TEX14: variants seen among roughly 807,000 people sequenced by gnomAD.
TEX14 encodes the protein testis expressed 14, intercellular bridge forming factor.
TEX14 carries 168 observed loss-of-function variants against 178.6 expected under a neutral mutation model. The ratio of observed to expected loss-of-function variants is 0.94; its 90% CI spans 0.83 to 1.07. The LOEUF (loss-of-function observed/expected upper bound fraction) is 1.07, where lower values mean the gene tolerates loss of function less well. TEX14 is among the 50% of genes least tolerant of loss of function. TEX14 has a pLI of 0.00. For synonymous variants in TEX14, 626 were observed against 634.1 expected, an observed-to-expected ratio of 0.99 and a Z score of 0.19; for missense variants, 1,730 against 1,753.6, an observed-to-expected ratio of 0.99 and a Z score of 0.24.
intron 22 of TEX14, among the ~76,000 whole-genome samples, chr17:58,573,956 CTT>C (rs2044605610): frequency 6.6e-6 from 1 of 152,026 alleles, no homozygotes; most frequent in Non-Finnish European, 1.5e-5. Flanking sequence ...TAAGCGTAAA[CTT>C]ATTATTATTA....
intron 2 of TEX14, among the ~76,000 whole-genome samples, chr17:58,638,025 C>A (rs934344042): frequency 6.6e-6 from 1 of 152,046 alleles, no homozygotes. Flanking sequence ...CCACACCCGG[C>A]TAATTTTTGT....
At chr17:58,585,623 T>G (rs1042935303) in intron 18 of TEX14, among the ~76,000 whole-genome samples, 178 bp downstream of exon 18, 11 of 145,100 alleles carry the variant, frequency 7.6e-5, no homozygotes, top group African/African-American at 2.0e-4. Context: ...TTTTTTTTTT[T>G]TTTTTTTTTT....
chr17:58,580,271 T>C (rs1396092410), intron 19 of TEX14, among the ~76,000 whole-genome samples: 1 of 152,068 alleles, frequency 6.6e-6, no homozygotes, highest in Non-Finnish European at 1.5e-5. Flanking sequence ...CCTCCTAAAG[T>C]GTTGTGATTA....
rs182478 is a variant in TEX14, at chr17:58,688,808, G to A, written c.-2+3131C>T. Among the ~76,000 whole-genome samples, 640 of 150,274 alleles carry A rather than the reference G, an allele frequency of 4.3e-3. 3 individuals carry two copies. The highest frequency in any genetic ancestry group is 0.014 in the African/African-American group (587 of 41,272). On this transcript the variant is annotated intron_variant, in intron 1 of 31. Transcript: ENST00000349033. The stretch of plus-strand genomic sequence containing the variant: ...GCAAGAAAAACCAAAACATATTCCC[G>A]GGGGGGGTTTGGGAGATTACTGAAG...
chr17:58,687,909 C>T (rs750289448), intron 1 of TEX14, among the ~76,000 whole-genome samples: 1 of 152,098 alleles, frequency 6.6e-6, no homozygotes, highest in Non-Finnish European at 1.5e-5. Context: ...AGATTATAAG[C>T]TCCATGAGGG....
chr17:58,659,338 G>A (rs916614190), intron 1 of TEX14: 3 of 983,176 alleles, frequency 3.1e-6, no homozygotes, highest in African/African-American at 3.5e-5. Flanking sequence ...CCTTACCATC[G>A]TCCTCAACAC....
At chr17:58,691,687 C>CAAAAA (rs2047730170) in intron 1 of TEX14, among the ~76,000 whole-genome samples, 1 of 115,166 alleles carries the variant, frequency 8.7e-6, no homozygotes. Flanking sequence ...AAAAAAAAAT[C>CAAAAA]GCCAATAGGT....
At chr17:58,637,019 C>A (rs1392511044) in intron 2 of TEX14, among the ~76,000 whole-genome samples, 6 of 152,078 alleles carry the variant, frequency 3.9e-5, no homozygotes, top group Non-Finnish European at 7.4e-5. Flanking sequence ...TTGAGGTCAG[C>A]AGTTCAAGAC....
intron 14 of TEX14, among the ~76,000 whole-genome samples, chr17:58,594,377 G>A (rs956887512): frequency 1.3e-5 from 2 of 149,106 alleles, no homozygotes; most frequent in Non-Finnish European, 3.0e-5. Context: ...TTTTGAGATG[G>A]CCTCACTCTG....
chr17:58,632,992 G>A (rs2046356552), intron 2 of TEX14, among the ~76,000 whole-genome samples: 3 of 152,140 alleles, frequency 2.0e-5, no homozygotes, highest in African/African-American at 7.2e-5. Context: ...GGTTTGGAAA[G>A]GTAAGTGTAT....
At chr17:58,561,658 A>G in intron 28 of TEX14, 46 bp from the exon 29 acceptor site, 1 of 1,317,176 alleles carries the variant, frequency 7.6e-7, no homozygotes, top group Non-Finnish European at 1.1e-6. Context: ...GTCATTTCCC[A>G]TCCCCCTTGA....
intron 1 of TEX14, chr17:58,675,575 T>A (rs1162544089): frequency 6.6e-6 from 1 of 152,186 alleles, no homozygotes; most frequent in Non-Finnish European, 1.5e-5. Flanking sequence ...AATCAAACTA[T>A]CTTTTAAATG....
chr17:58,580,169 T>C (rs1465583106), intron 19 of TEX14, among the ~76,000 whole-genome samples: 1 of 152,226 alleles, frequency 6.6e-6, no homozygotes, highest in Non-Finnish European at 1.5e-5. Flanking sequence ...TGGGGACTAG[T>C]AATGTTTCAT....
At position 58,588,031 on chromosome 17, in the gene TEX14, G is replaced by T. The variant is rs1476545335; in HGVS notation, c.2577-10C>A. 5 of 947,272 alleles carry T rather than the reference G, an allele frequency of 5.3e-6. No homozygotes were observed. Among genetic ancestry groups the T allele is most frequent in the African/African-American group, 3.2e-5 (2 of 62,048 alleles). The allele number at this position is 947,272 out of a possible 1,614,324, so 58.7% of individuals were successfully genotyped here. A position where few individuals can be genotyped will look rare whatever the true frequency, so the allele number is the denominator to read the frequency against. ...TCTAGGTCTTCCCTGGCTAAGAAAT[G>T]AAAGGACTGAGCTATAAGATCTCTA... On this transcript the variant is annotated splice_polypyrimidine_tract_variant and intron_variant, in intron 15 of 31. Transcript: ENST00000349033.
chr17:58,599,382 C>T lies in TEX14; in HGVS notation c.1963G>A (p.Asp655Asn). ...SLEADGPNQVDELKSMEEELD... is the reference protein window; with the variant it reads ...SLEADGPNQVNELKSMEEELD... ...TCTTCTTCCATGGATTTCAGTTCAT[C>T]TACCTGGTTAGGTCCGTCTGCCTCC... Residue 655 changes from aspartate to asparagine, a missense_variant, in exon 14 of 32, where the codon GAT becomes AAT. By Grantham distance (23) the Asp-to-Asn change is conservative. This residue lies in a region of TEX14 where 941 missense variants were observed against 1,072.4 expected (regional missense o/e 0.88). Coordinates refer to ENST00000349033, the MANE Select transcript of TEX14 (RefSeq NM_031272.5). The T allele has an allele frequency of 6.2e-7, 1 of 1,614,226 alleles. No homozygotes were observed. The highest frequency in any genetic ancestry group is 1.3e-5 in the African/African-American group (1 of 75,064).
chr17:58,617,068 T>C (rs889640691), intron 6 of TEX14, among the ~76,000 whole-genome samples: 1 of 151,808 alleles, frequency 6.6e-6, no homozygotes, highest in Non-Finnish European at 1.5e-5. Context: ...CTGGGCAACA[T>C]GGCGAAATCC....
intron 20 of TEX14, among the ~76,000 whole-genome samples, chr17:58,578,875 G>A (rs2044744121): frequency 6.6e-6 from 1 of 152,242 alleles, no homozygotes; most frequent in East Asian, 1.9e-4. Flanking sequence ...TGCAGTGGAA[G>A]AAGGGAGTAA....
chr17:58,685,189 G>A (rs1377973798), intron 1 of TEX14, among the ~76,000 whole-genome samples: 3 of 150,910 alleles, frequency 2.0e-5, no homozygotes, highest in Non-Finnish European at 3.0e-5. Flanking sequence ...TTTGAAGCAC[G>A]TTGGGAGGCC....
At chr17:58,596,256 A>T (rs996580981) in intron 14 of TEX14, among the ~76,000 whole-genome samples, 1 of 152,030 alleles carries the variant, frequency 6.6e-6, no homozygotes. Flanking sequence ...AAACAGAAAT[A>T]TTAGGATATA....
Sources: allele counts gnomAD v4.1 joint callset (sites outside exome capture counted in the v4.1 genomes callset), GRCh38; gene constraint gnomAD v4.1.1; regional missense constraint gnomAD v4.1.1; transcripts MANE v1.5; gene names NCBI Gene and HGNC (gene_info 2026-07-23, HGNC 2026-07-21).